The following GCH1 variants were observed in gnomAD, a reference collection of about 807,000 sequenced individuals.
GCH1 encodes the protein GTP cyclohydrolase 1.
A neutral mutation model predicts 25.9 loss-of-function variants in GCH1; 5 were observed. The ratio of observed to expected loss-of-function variants is 0.19; its 90% CI spans 0.10 to 0.41. The LOEUF is 0.41. Among genes scored for constraint, GCH1 ranks in the 10% least tolerant of loss-of-function variants. The pLI, the probability that GCH1 is intolerant of heterozygous loss-of-function variation, is 1.00. For missense variants in GCH1, 261 were observed against 336.5 expected, an observed-to-expected ratio of 0.78 and a Z score of 1.75; for synonymous variants, 159 against 129.6, an observed-to-expected ratio of 1.23 and a Z score of -1.54.
chr14:54,848,820 A>G (rs2039683184), intron 3 of GCH1, among the ~76,000 whole-genome samples: 1 of 152,238 alleles, frequency 6.6e-6, no homozygotes, highest in Non-Finnish European at 1.5e-5. Flanking sequence ...GGTATTTTGA[A>G]CAAAACCTTA....
At chr14:54,859,960 G>C (rs2039869572) in intron 2 of GCH1, among the ~76,000 whole-genome samples, 1 of 152,100 alleles carries the variant, frequency 6.6e-6, no homozygotes, top group East Asian at 1.9e-4. Flanking sequence ...ATAAGTATGA[G>C]TCTATTAATC....
At chr14:54,895,269 A>C (rs1399369238) in intron 1 of GCH1, among the ~76,000 whole-genome samples, 1 of 152,190 alleles carries the variant, frequency 6.6e-6, no homozygotes, top group Non-Finnish European at 1.5e-5. Context: ...CCTCACAGGG[A>C]AGCAGTCAGC....
rs958919601 is a variant in GCH1 at position 54,842,184 on chromosome 14, A to G, written c.*1833T>C. ...GGATATGAAAAGGTAATTTTGAAGT[A>G]CTAAAGACTAGAGTAAAACAGACAA... On this transcript the variant is annotated 3_prime_UTR_variant, in exon 6 of 6. Transcript: ENST00000491895. The G allele has an allele frequency of 1.3e-5, 2 of 152,550 alleles. No homozygotes were observed. Among genetic ancestry groups the G allele is most frequent in the Admixed American group, 1.3e-4 (2 of 15,278 alleles). 9.4% of individuals were successfully genotyped at this position (152,550 alleles called of 1,614,324 possible). A position where few individuals can be genotyped will look rare whatever the true frequency, so the allele number is the denominator to read the frequency against.
chr14:54,850,576 T>G (rs987262060), intron 3 of GCH1, among the ~76,000 whole-genome samples: 1 of 152,140 alleles, frequency 6.6e-6, no homozygotes, highest in African/African-American at 2.4e-5. Context: ...GCCACGTTGG[T>G]GTGCTGCACT....
chr14:54,849,612 T>G (rs1486319943), intron 3 of GCH1, among the ~76,000 whole-genome samples: 1 of 152,230 alleles, frequency 6.6e-6, no homozygotes, highest in Non-Finnish European at 1.5e-5. Context: ...TGGAATTTAT[T>G]AGGCTTTCTG....
intron 1 of GCH1, among the ~76,000 whole-genome samples, chr14:54,879,060 A>G (rs2040204010): frequency 6.6e-6 from 1 of 152,126 alleles, no homozygotes; most frequent in South Asian, 2.1e-4. Context: ...ACGCTGGACC[A>G]ATTCACTTCC....
At chr14:54,877,729 A>G (rs1436511367) in intron 1 of GCH1, among the ~76,000 whole-genome samples, 1 of 152,128 alleles carries the variant, frequency 6.6e-6, no homozygotes, top group Non-Finnish European at 1.5e-5. Context: ...TCCTGAGCTC[A>G]AGGGATCTGC....
chr14:54,895,944 G>T (rs950633707), intron 1 of GCH1, among the ~76,000 whole-genome samples: 9 of 152,176 alleles, frequency 5.9e-5, no homozygotes, highest in African/African-American at 2.2e-4. Context: ...ACACTGGAAA[G>T]TAGGGAAAAG....
chr14:54,881,338 C>T lies in GCH1; in HGVS notation c.344-15902G>A, dbSNP rs115117527. ...CTCTTTCAAAATCCTCCCTAAATCA[C>T]ATCCTGCAACTCAAAGTCTTCTGCC... On this transcript the variant is annotated intron_variant, in intron 1 of 5. Transcript: ENST00000491895. 4.6e-3 allele frequency among the ~76,000 whole-genome samples: 707 copies of T among 152,272 alleles called. 4 individuals carry two copies. The highest frequency in any genetic ancestry group is 0.016 in the African/African-American group (660 of 41,540).
At position 54,880,740 on chromosome 14, in the gene GCH1, CATATATATATACTCCATAT is replaced by C. The variant is rs1355135726; in HGVS notation, c.344-15323_344-15305del. Among the ~76,000 whole-genome samples the C allele has an allele frequency of 8.2e-4, 32 of 39,206 alleles. 8 individuals are homozygous for C. Among genetic ancestry groups the C allele is most frequent in the African/African-American group, 4.9e-3 (22 of 4,504 alleles). The allele number at this position is 39,206 out of a possible 152,430, so 25.7% of individuals were successfully genotyped here. Reference sequence around the variant, plus strand: ...TATACTCATATATATATATATACTCCATATATATATACTCCATATATATATATATACTCCATATATATAT... The same window carrying C: ...TATACTCATATATATATATATACTCCATATATATATACTCCATATATATAT... On this transcript the variant is annotated intron_variant, in intron 1 of 5. Coordinates refer to ENST00000491895, the MANE Select transcript of GCH1 (RefSeq NM_000161.3).
chr14:54,855,507 A>AAAAAAAAAC (rs2039796784), intron 3 of GCH1, among the ~76,000 whole-genome samples: 1 of 122,804 alleles, frequency 8.1e-6, no homozygotes, highest in Non-Finnish European at 2.0e-5. Context: ...CCCTGTCTCA[A>AAAAAAAAAC]AAAAAAAAAA....
chr14:54,859,180 T>A (rs1458351327), intron 3 of GCH1: 1 of 169,332 alleles, frequency 5.9e-6, no homozygotes, highest in Non-Finnish European at 1.3e-5. Flanking sequence ...AGGCTGGGGA[T>A]CCCACAGGGA....
chr14:54,872,311 AC>A (rs1341949171), intron 1 of GCH1, among the ~76,000 whole-genome samples: 2 of 152,170 alleles, frequency 1.3e-5, no homozygotes, highest in African/African-American at 4.8e-5. Context: ...AGATTTTGTC[AC>A]CACCACGCCT....
In GCH1 at chr14:54,844,052, T is replaced by A. The variant is rs1232746643; in HGVS notation, c.718A>T (p.Thr240Ser). Residue 240 changes from threonine to serine, a missense_variant, in exon 6 of 6, where the codon ACT (threonine) becomes TCT (serine). Around this residue, in one of 3 missense-constraint regions of GCH1, gnomAD observed 130 missense variants for 184.1 expected, o/e 0.71. Coordinates refer to ENST00000491895, the MANE Select transcript of GCH1 (RefSeq NM_000161.3). The part of the protein sequence containing the change: ...MLGVFREDPK[T>S]REEFLTLIRS Reference sequence around the variant, plus strand: ...ATGAGAGTCAGGAACTCTTCCCGAGTCTTTGGATCCTCCCGGAACACACCC... The same window carrying A: ...ATGAGAGTCAGGAACTCTTCCCGAGACTTTGGATCCTCCCGGAACACACCC... The A allele has an allele frequency of 6.2e-7, 1 of 1,613,994 alleles. No individual in the cohort carries two copies. Among genetic ancestry groups the A allele is most frequent in the East Asian group, 2.2e-5 (1 of 44,868 alleles).
chr14:54,876,563 G>A (rs1293094537), intron 1 of GCH1, among the ~76,000 whole-genome samples: 1 of 152,096 alleles, frequency 6.6e-6, no homozygotes, highest in Admixed American at 6.6e-5. Flanking sequence ...GGCGGCTGAA[G>A]CAGGAGGATC....
chr14:54,885,432 A>T, intron 1 of GCH1: 1 of 229,984 alleles, frequency 4.3e-6, no homozygotes, highest in South Asian at 6.0e-5. Context: ...GGTTCAGGTA[A>T]TGGGGTTGCT....
intron 1 of GCH1, among the ~76,000 whole-genome samples, chr14:54,879,367 C>T (rs2040209228): frequency 7.3e-6 from 1 of 137,840 alleles, no homozygotes; most frequent in South Asian, 2.3e-4. Flanking sequence ...GTTGCAGTGA[C>T]TTCAGATCAC....
At chr14:54,885,501 G>C (rs1295916701) in intron 1 of GCH1, 2 of 307,678 alleles carry the variant, frequency 6.5e-6, no homozygotes, top group Non-Finnish European at 1.3e-5. Flanking sequence ...TAGCATCATT[G>C]ATGGCATCCA....
intron 1 of GCH1, among the ~76,000 whole-genome samples, chr14:54,891,350 C>T (rs1002131261): frequency 6.6e-6 from 1 of 151,760 alleles, no homozygotes; most frequent in East Asian, 1.9e-4. Flanking sequence ...AAATGATACG[C>T]CCTCCTTGGC....
Sources: allele counts gnomAD v4.1 joint callset (sites outside exome capture counted in the v4.1 genomes callset), GRCh38; gene constraint gnomAD v4.1.1; regional missense constraint gnomAD v4.1.1; transcripts MANE v1.5; gene names NCBI Gene and HGNC (gene_info 2026-07-23, HGNC 2026-07-21).